The following SLC28A2 variants were observed in gnomAD, a reference collection of about 807,000 sequenced individuals.
SLC28A2 encodes the protein sodium/nucleoside cotransporter 2.
A neutral mutation model predicts 72.9 loss-of-function variants in SLC28A2; 69 were observed. The observed-to-expected ratio is 0.95, with a 90% confidence interval of 0.78 to 1.16. The LOEUF (loss-of-function observed/expected upper bound fraction) is 1.16. Among genes scored for constraint, SLC28A2 ranks in the 50% most tolerant of loss-of-function variants. The pLI is 0.00. For synonymous variants in SLC28A2, 296 were observed against 294.1 expected, an observed-to-expected ratio of 1.01 and a Z score of -0.07; for missense variants, 745 against 791.1, an observed-to-expected ratio of 0.94 and a Z score of 0.70.
At position 45,275,450 on chromosome 15, in the gene SLC28A2, G is replaced by C; in HGVS notation, c.1914G>C (p.Lys638Asn). The C allele has an allele frequency of 6.2e-7, 1 of 1,613,862 alleles. No individual in the cohort carries two copies. Among genetic ancestry groups the C allele is most frequent in the Non-Finnish European group, 8.5e-7 (1 of 1,179,768 alleles). Residue 638 changes from lysine (K) to asparagine (N), a missense_variant, in exon 18 of 18, where the codon AAG becomes AAC. Transcript: ENST00000347644. ...CTTTTTCTGGTCCCTGGGAAGATAA[G>C]GAGTTCAGTGCTATGGCCCTTACTA... is the stretch of plus-strand genomic sequence containing the variant. Reference protein sequence around the residue: ...PPSFSGPWEDKEFSAMALTNC... With the variant: ...PPSFSGPWEDNEFSAMALTNC...
intron 3 of SLC28A2, among the ~76,000 whole-genome samples, chr15:45,258,460 G>A (rs1445803288): frequency 6.6e-6 from 1 of 152,004 alleles, no homozygotes; most frequent in South Asian, 2.1e-4. Context: ...AACATTATCT[G>A]TACCCAAGAA....
At chr15:45,270,314 G>C in intron 15 of SLC28A2, 38 bp downstream of exon 15, 1 of 1,408,422 alleles carries the variant, frequency 7.1e-7, no homozygotes, top group African/African-American at 1.4e-5. Flanking sequence ...CAGTAAGACA[G>C]CCAGATCCCA....
At chr15:45,275,345 T>G in intron 17 of SLC28A2, 51 bp from the exon 18 acceptor site, 1 of 1,056,464 alleles carries the variant, frequency 9.5e-7, no homozygotes, top group Non-Finnish European at 1.5e-6. Context: ...TATGTTTTGT[T>G]GCTTTGTTCC....
intron 5 of SLC28A2, 64 bp from the exon 6 acceptor site, chr15:45,263,817 C>G: frequency 1.3e-6 from 2 of 1,501,636 alleles, no homozygotes; most frequent in Non-Finnish European, 1.8e-6. Context: ...CTTTCAGACT[C>G]TCTGTAAGTT....
At chr15:45,253,068 AAAG>A in intron 1 of SLC28A2, 129 bp from the exon 2 acceptor site, 1 of 564,572 alleles carries the variant, frequency 1.8e-6, no homozygotes, top group South Asian at 2.7e-5. Context: ...CTCAGTTCTT[AAAG>A]AAATCAACTA....
At chr15:45,275,314 CT>C (rs1900718501) in intron 17 of SLC28A2, 81 bp from the exon 18 acceptor site, 1 of 789,538 alleles carries the variant, frequency 1.3e-6, no homozygotes, top group Non-Finnish European at 2.1e-6. Context: ...TTGTTTTCAG[CT>C]GCTTAGTATA....
At chr15:45,259,576 T>C (rs1428208082) in intron 3 of SLC28A2, among the ~76,000 whole-genome samples, 1 of 152,234 alleles carries the variant, frequency 6.6e-6, no homozygotes, top group Non-Finnish European at 1.5e-5. Context: ...CACAAGTATA[T>C]AGGCAAATCA....
intron 5 of SLC28A2, 23 bp from the exon 6 acceptor site, chr15:45,263,858 T>A: frequency 6.3e-7 from 1 of 1,590,406 alleles, no homozygotes; most frequent in Non-Finnish European, 8.6e-7. Context: ...GTTGATGACA[T>A]GGTCTTGGCA....
At position 45,277,761 on chromosome 15, in the gene SLC28A2, G is replaced by A. The variant is rs1422597462; in HGVS notation, c.*2248G>A. ...AGAGGTGGTGGTTGTGCAACATTGT[G>A]AATATTATGTCACTGAATTGTTCAC... is the stretch of plus-strand genomic sequence containing the variant. On this transcript the variant is annotated 3_prime_UTR_variant, in exon 18 of 18. Coordinates refer to ENST00000347644, the MANE Select transcript of SLC28A2 (RefSeq NM_004212.4). 9.4e-6 allele frequency: 1 copy of A among 106,196 alleles called. No individual in the cohort carries two copies. The highest frequency in any genetic ancestry group is 8.9e-5 in the Admixed American group (1 of 11,238). The allele number at this position is 106,196 out of a possible 1,614,324, so 6.6% of individuals were successfully genotyped here. A position where few individuals can be genotyped will look rare whatever the true frequency, so the allele number is the denominator to read the frequency against.
At chr15:45,270,307 T>C in intron 15 of SLC28A2, 31 bp downstream of exon 15, 3 of 1,472,720 alleles carry the variant, frequency 2.0e-6, no homozygotes, top group South Asian at 2.3e-5. Context: ...AGCTCCCCAG[T>C]AAGACAGCCA....
chr15:45,265,771 A>T, intron 9 of SLC28A2, 108 bp downstream of exon 9: 2 of 810,242 alleles, frequency 2.5e-6, no homozygotes, highest in South Asian at 2.8e-5. Context: ...ACAATGGGAA[A>T]AGGCAGGCCC....
intron 3 of SLC28A2, among the ~76,000 whole-genome samples, chr15:45,257,420 A>G (rs747936751): frequency 6.6e-6 from 1 of 152,140 alleles, no homozygotes; most frequent in Non-Finnish European, 1.5e-5. Flanking sequence ...ATCAATGTCT[A>G]TTTCATCCTT....
intron 17 of SLC28A2, 61 bp from the exon 18 acceptor site, chr15:45,275,333 GAT>G: frequency 1.1e-6 from 1 of 946,464 alleles, no homozygotes; most frequent in East Asian, 2.4e-5. Context: ...ATAACTTATT[GAT>G]ATGTTTTGTT....
rs1427071082 is a variant in SLC28A2, at chr15:45,269,449, G to A, written c.1480G>A (p.Val494Met). The change falls in exon 14 of 18, where the codon GTG (valine) becomes ATG (methionine). Residue 494 changes from valine to methionine, a missense_variant. Physicochemically the swap from Val to Met is conservative, Grantham distance 21 (BLOSUM62 1). Transcript: ENST00000347644. ...AATCAAGTTCTTCATAAATGAGTTT[G>A]TGGCTTATCAGCAACTGTCTCAATA... ...VGIKFFINEF[V>M]AYQQLSQYKN... 1.9e-6 allele frequency: 3 copies of A among 1,613,968 alleles called. No individual in the cohort carries two copies. Among genetic ancestry groups the A allele is most frequent in the Non-Finnish European group, 2.5e-6 (3 of 1,179,978 alleles).
intron 3 of SLC28A2, among the ~76,000 whole-genome samples, chr15:45,257,519 T>C (rs1325253040): frequency 6.6e-6 from 1 of 152,246 alleles, no homozygotes; most frequent in Non-Finnish European, 1.5e-5. Context: ...TACATGTTAA[T>C]AAGTTATGTA....
chr15:45,253,394 G>A (rs765000789), intron 2 of SLC28A2, 38 bp from the exon 3 acceptor site: 3 of 1,582,544 alleles, frequency 1.9e-6, no homozygotes, highest in African/African-American at 1.3e-5. Context: ...TCCCTGGCAG[G>A]GCTCCATGAC....
chr15:45,272,441 T>C (rs746798070), intron 16 of SLC28A2, 48 bp downstream of exon 16: 8 of 1,415,406 alleles, frequency 5.7e-6, no homozygotes, highest in Non-Finnish European at 7.0e-6. Flanking sequence ...AGGGTGATGG[T>C]TGGAGGAATA....
At chr15:45,254,432 T>G (rs1235657327) in intron 3 of SLC28A2, among the ~76,000 whole-genome samples, 2 of 152,196 alleles carry the variant, frequency 1.3e-5, no homozygotes. Flanking sequence ...TATGTTTAGA[T>G]ACACAAATAC....
Position 45,259,243 on chromosome 15 carries a change from T to G in SLC28A2, c.171-2772T>G, listed in dbSNP as rs1900073374. Among the ~76,000 whole-genome samples the G allele has an allele frequency of 2.0e-5, 3 of 152,238 alleles. No individual in the cohort carries two copies. In the South Asian group the frequency reaches 6.2e-4, roughly 31 times the overall value. On this transcript the variant is annotated intron_variant, in intron 3 of 17. Transcript: ENST00000347644. ...AAAAACTAGTATGTAAGGTAATACA[T>G]GTGTTAATTAGCTTGATGTAGCCAT...
Sources: gnomAD v4.1 joint callset for allele counts (sites outside exome capture counted in the v4.1 genomes callset) on GRCh38, gnomAD v4.1.1 for gene constraint, MANE v1.5 for transcripts, NCBI Gene and HGNC (gene_info 2026-07-23, HGNC 2026-07-21) for gene names.